The following DIAPH3 variants were observed in gnomAD, a reference collection of about 807,000 sequenced individuals.
DIAPH3 encodes the protein protein diaphanous homolog 3.
DIAPH3 carries 117 observed loss-of-function variants against 144.3 expected under a neutral mutation model. The observed-to-expected ratio is 0.81, with a 90% CI of 0.70 to 0.95. The LOEUF (loss-of-function observed/expected upper bound fraction) is 0.95, where lower values mean the gene tolerates loss of function less well. Ranked by LOEUF, DIAPH3 falls within the 40% of genes least tolerant of loss-of-function variation. The pLI is 0.00. For missense variants in DIAPH3, 1,421 were observed against 1,412.7 expected, an observed-to-expected ratio of 1.01 and a Z score of -0.09; for synonymous variants, 519 against 488.9, an observed-to-expected ratio of 1.06 and a Z score of -0.81.
intron 4 of DIAPH3, among the ~76,000 whole-genome samples, chr13:60,092,300 G>A (rs2057962977): frequency 6.6e-6 from 1 of 152,140 alleles, no homozygotes; most frequent in Admixed American, 6.5e-5. Flanking sequence ...TATCATTAAA[G>A]GACAAAGGCA....
At chr13:59,881,264 C>G (rs2045024161) in intron 20 of DIAPH3, among the ~76,000 whole-genome samples, 1 of 151,926 alleles carries the variant, frequency 6.6e-6, no homozygotes. Context: ...TGCTCTATTA[C>G]ACTTAATATG....
intron 25 of DIAPH3, among the ~76,000 whole-genome samples, chr13:59,786,390 A>G (rs879511378): frequency 6.6e-6 from 1 of 152,174 alleles, no homozygotes; most frequent in Non-Finnish European, 1.5e-5. Context: ...TTGAATTTTA[A>G]CTATATACAC....
intron 17 of DIAPH3, among the ~76,000 whole-genome samples, chr13:59,947,665 G>T (rs1166025475): frequency 6.6e-6 from 1 of 151,740 alleles, no homozygotes; most frequent in African/African-American, 2.4e-5. Flanking sequence ...CCCCGGATGC[G>T]GAGGATGCAG....
At chr13:60,048,179 C>T (rs2056174936) in intron 4 of DIAPH3, among the ~76,000 whole-genome samples, 1 of 152,152 alleles carries the variant, frequency 6.6e-6, no homozygotes, top group Admixed American at 6.5e-5. Flanking sequence ...CAAAACCTCG[C>T]CTCTCCAGGC....
At chr13:60,026,044 G>A (rs2054348939) in intron 5 of DIAPH3, among the ~76,000 whole-genome samples, 1 of 152,064 alleles carries the variant, frequency 6.6e-6, no homozygotes, top group African/African-American at 2.4e-5. Flanking sequence ...ATTCTTAAAT[G>A]TTTTTGTTCA....
intron 25 of DIAPH3, among the ~76,000 whole-genome samples, chr13:59,790,665 AG>A (rs74796895): frequency 0.078 from 11,847 of 152,212 alleles, 585 homozygotes; most frequent in South Asian, 0.18. Flanking sequence ...TTTGAAAAGG[AG>A]GAAGTCAGCA....
chr13:60,150,877 C>G (rs1298184751), intron 1 of DIAPH3, among the ~76,000 whole-genome samples: 1 of 152,068 alleles, frequency 6.6e-6, no homozygotes, highest in Non-Finnish European at 1.5e-5. Flanking sequence ...AAAGGGAGCT[C>G]CATGGTTACT....
At chr13:60,012,423 C>T (rs936633118) in intron 7 of DIAPH3, among the ~76,000 whole-genome samples, 5 of 152,174 alleles carry the variant, frequency 3.3e-5, no homozygotes, top group African/African-American at 7.2e-5. Context: ...GGGCTATTAC[C>T]TAACTGGAAA....
intron 17 of DIAPH3, among the ~76,000 whole-genome samples, chr13:59,927,295 T>C (rs769191930): frequency 2.0e-5 from 3 of 152,190 alleles, no homozygotes; most frequent in Non-Finnish European, 4.4e-5. Context: ...AACTTTCAAT[T>C]AGAGAATTTA....
intron 3 of DIAPH3, among the ~76,000 whole-genome samples, chr13:60,097,032 C>T (rs1163033333): frequency 6.6e-6 from 1 of 152,172 alleles, no homozygotes; most frequent in African/African-American, 2.4e-5. Flanking sequence ...CTCTGGAGAA[C>T]TCTGACTAGT....
chr13:60,030,841 G>C (rs1201276699), intron 5 of DIAPH3, among the ~76,000 whole-genome samples: 3 of 152,226 alleles, frequency 2.0e-5, no homozygotes, highest in East Asian at 3.8e-4. Flanking sequence ...CATGTGGTAA[G>C]TAGCTTCTGT....
chr13:59,737,605 G>A (rs756093945), intron 27 of DIAPH3, among the ~76,000 whole-genome samples: 1 of 152,124 alleles, frequency 6.6e-6, no homozygotes, highest in Non-Finnish European at 1.5e-5. Context: ...CCCAACATAC[G>A]TGGACTTATA....
chr13:59,744,537 C>T (rs2036614040), intron 27 of DIAPH3, among the ~76,000 whole-genome samples: 1 of 151,374 alleles, frequency 6.6e-6, no homozygotes, highest in Admixed American at 6.6e-5. Context: ...TTTTTTAGCT[C>T]ATCAGCTATC....
chr13:60,008,665 A>G lies in DIAPH3; in HGVS notation c.909-16T>C. 2 of 1,548,088 alleles carry G rather than the reference A, an allele frequency of 1.3e-6. No homozygotes were observed. The highest frequency in any genetic ancestry group is 1.8e-6 in the Non-Finnish European group (2 of 1,120,142). On this transcript the variant is annotated splice_polypyrimidine_tract_variant and intron_variant, in intron 8 of 27. Coordinates refer to ENST00000400324, the MANE Select transcript of DIAPH3 (RefSeq NM_001042517.2). ...TTCTTCAAGGCTATTGGAAAATTTG[A>G]GTCAATTAAATTGCAAGTAGCAAAC...
chr13:59,706,293 C>T (rs999059851), intron 27 of DIAPH3, among the ~76,000 whole-genome samples: 9 of 152,066 alleles, frequency 5.9e-5, no homozygotes, highest in Admixed American at 3.3e-4. Flanking sequence ...GATGCTGAAC[C>T]GCTGGATACA....
chr13:59,754,642 A>G lies in DIAPH3; in HGVS notation c.3319+19547T>C, dbSNP rs567731797. On this transcript the variant is annotated intron_variant, in intron 27 of 27. Transcript: ENST00000400324. Reference sequence around the variant, plus strand: ...AATCGAAACTGTTTACTTACAGAAAAATAAGCTCTAGTTTGTAAAAATGGA... The same window carrying G: ...AATCGAAACTGTTTACTTACAGAAAGATAAGCTCTAGTTTGTAAAAATGGA... Among the ~76,000 whole-genome samples the G allele has an allele frequency of 4.6e-5, 7 of 152,304 alleles. No individual in the cohort carries two copies. In the South Asian group the frequency reaches 1.2e-3, roughly 27 times the overall value.
chr13:59,740,776 A>G (rs546870983), intron 27 of DIAPH3, among the ~76,000 whole-genome samples: 2 of 152,202 alleles, frequency 1.3e-5, no homozygotes, highest in Non-Finnish European at 2.9e-5. Context: ...GAGAAAAAAT[A>G]TATTTACTTC....
At chr13:59,932,472 A>T (rs142295062) in intron 17 of DIAPH3, among the ~76,000 whole-genome samples, 154 of 152,264 alleles carry the variant, frequency 1.0e-3, no homozygotes, top group East Asian at 1.4e-3. Flanking sequence ...TAAAAGAATG[A>T]TGACCACCTG....
At chr13:59,704,223 C>T (rs1236378851) in intron 27 of DIAPH3, among the ~76,000 whole-genome samples, 1 of 152,244 alleles carries the variant, frequency 6.6e-6, no homozygotes, top group Admixed American at 6.5e-5. Flanking sequence ...AGTCTGGCCC[C>T]ACACAACTGC....
Sources: allele counts gnomAD v4.1 joint callset (sites outside exome capture counted in the v4.1 genomes callset), GRCh38; gene constraint gnomAD v4.1.1; transcripts MANE v1.5; gene names NCBI Gene and HGNC (gene_info 2026-07-23, HGNC 2026-07-21).